LRRC7: variants seen among roughly 807,000 people sequenced by gnomAD.
LRRC7 encodes the protein leucine-rich repeat-containing protein 7.
LRRC7 carries 23 observed loss-of-function variants against 175.7 expected under a neutral mutation model. The ratio of observed to expected loss-of-function variants is 0.13; its 90% CI spans 0.09 to 0.19. The LOEUF is 0.19. LRRC7 is among the 10% of genes least tolerant of loss of function. LRRC7 has a pLI of 1.00. For missense variants in LRRC7, 1,354 were observed against 1,904.7 expected (o/e 0.71, Z 5.38); for synonymous variants, 685 against 680.9 (o/e 1.01, Z -0.09).
Position 70,038,575 on chromosome 1 carries a change from G to T in LRRC7, c.2751G>T (p.Lys917Asn). Reference protein sequence around the residue: ...SPLPERKEHIKESTEIPSPFS... With the variant: ...SPLPERKEHINESTEIPSPFS... ...TGCCTGAAAGGAAAGAACATATAAA[G>T]GAATCTACTGAAATACCTAGTCCTT... is the stretch of plus-strand genomic sequence containing the variant. Residue 917 changes from lysine to asparagine, a missense_variant, in exon 21 of 27, where the codon AAG (lysine) becomes AAT (asparagine). Around this residue, in one of 4 missense-constraint regions of LRRC7, gnomAD observed 1,032 missense variants for 1,227.2 expected, o/e 0.84. Coordinates refer to ENST00000651989, the MANE Select transcript of LRRC7 (RefSeq NM_001370785.2). 1 of 1,614,054 alleles carries T rather than the reference G, an allele frequency of 6.2e-7. No individual in the cohort carries two copies. Among genetic ancestry groups the T allele is most frequent in the Non-Finnish European group, 8.5e-7 (1 of 1,179,984 alleles).
At chr1:69,684,435 A>C (rs1304402242) in intron 2 of LRRC7, among the ~76,000 whole-genome samples, 5 of 152,306 alleles carry the variant, frequency 3.3e-5, no homozygotes, top group Non-Finnish European at 7.4e-5. Context: ...AGGGAGAAAA[A>C]GAGAGTTGGA....
intron 4 of LRRC7, among the ~76,000 whole-genome samples, chr1:69,814,995 G>C (rs1678413377): frequency 6.6e-6 from 1 of 152,052 alleles, no homozygotes; most frequent in African/African-American, 2.4e-5. Flanking sequence ...CTCTCCCTAA[G>C]CTGCGTAAAT....
At chr1:69,829,176 A>C (rs767060825) in intron 5 of LRRC7, among the ~76,000 whole-genome samples, 30 of 151,946 alleles carry the variant, frequency 2.0e-4, no homozygotes, top group Non-Finnish European at 4.0e-4. Flanking sequence ...ATCATCTTAC[A>C]AATAAGGAAA....
At position 69,733,817 on chromosome 1, in the gene LRRC7, T is replaced by A. The variant is rs182797194; in HGVS notation, c.101-26374T>A. On this transcript the variant is annotated intron_variant, in intron 2 of 26. Coordinates refer to ENST00000651989, the MANE Select transcript of LRRC7 (RefSeq NM_001370785.2). ...GCATTTGGCTCTCTGCATCAGATAA[T>A]GCATCTATAATAGCAGAAGTTTTCC... Among the ~76,000 whole-genome samples the A allele has an allele frequency of 5.7e-4, 87 of 152,198 alleles. No individual in the cohort carries two copies. The Middle Eastern group carries it at 0.01, about 18-fold the overall frequency.
intron 7 of LRRC7, among the ~76,000 whole-genome samples, chr1:69,871,148 A>T (rs1243694069): frequency 6.6e-6 from 1 of 152,034 alleles, no homozygotes; most frequent in African/African-American, 2.4e-5. Context: ...CATTATAAAG[A>T]TTTATGTATT....
chr1:69,689,209 C>A (rs974317567), intron 2 of LRRC7, among the ~76,000 whole-genome samples: 10 of 152,186 alleles, frequency 6.6e-5, no homozygotes, highest in Non-Finnish European at 1.2e-4. Context: ...TATGGTCAGC[C>A]CTTCTTCCTT....
At position 70,038,563 on chromosome 1, in the gene LRRC7, A is replaced by G. The variant is rs574962761; in HGVS notation, c.2739A>G (p.Lys913=). The G allele has an allele frequency of 6.8e-6, 11 of 1,614,158 alleles. No individual in the cohort carries two copies. The South Asian group carries it at 1.1e-4, about 16-fold the overall frequency. The stretch of plus-strand genomic sequence containing the variant: ...CTACCAGCCCATTGCCTGAAAGGAA[A>G]GAACATATAAAGGAATCTACTGAAA... The part of the protein sequence containing the change: ...TPTTSPLPER[K]EHIKESTEIP... The change falls in exon 21 of 27, where the codon AAA becomes AAG. Residue 913 remains lysine, a synonymous_variant. Coordinates refer to ENST00000651989, the MANE Select transcript of LRRC7 (RefSeq NM_001370785.2).
In LRRC7 at chr1:69,855,587, A is replaced by G. The variant is rs1014247942; in HGVS notation, c.647+17304A>G. ...GGAATAAGTGCGATGTGGTGCTGAG[A>G]AGAATGTATATTCTGTTGATTTGGG... is the stretch of plus-strand genomic sequence containing the variant. On this transcript the variant is annotated intron_variant, in intron 7 of 26. Transcript: ENST00000651989. 5.9e-5 allele frequency among the ~76,000 whole-genome samples: 9 copies of G among 152,138 alleles called. No individual in the cohort carries two copies. The South Asian group carries it at 1.4e-3, about 24-fold the overall frequency.
At chr1:69,901,516 G>C (rs1036303902) in intron 7 of LRRC7, among the ~76,000 whole-genome samples, 1 of 152,090 alleles carries the variant, frequency 6.6e-6, no homozygotes, top group African/African-American at 2.4e-5. Context: ...CCATTCCTAA[G>C]AATGAAACCC....
intron 4 of LRRC7, among the ~76,000 whole-genome samples, chr1:69,816,234 T>A (rs547350709): frequency 6.6e-6 from 1 of 152,252 alleles, no homozygotes; most frequent in South Asian, 2.1e-4. Context: ...CGCCTCAGCC[T>A]CCTAAAGTGC....
At chr1:69,675,572 A>G (rs1659650145) in intron 1 of LRRC7, among the ~76,000 whole-genome samples, 1 of 152,150 alleles carries the variant, frequency 6.6e-6, no homozygotes. Context: ...ATAATTTACT[A>G]TCTTAAGCTT....
At chr1:69,608,903 C>G (rs575152786) in intron 1 of LRRC7, among the ~76,000 whole-genome samples, 1 of 138,354 alleles carries the variant, frequency 7.2e-6, no homozygotes, top group Non-Finnish European at 1.5e-5. Flanking sequence ...TATATATACA[C>G]ACACACACAC....
intron 1 of LRRC7, among the ~76,000 whole-genome samples, chr1:69,668,298 C>T (rs983054472): frequency 1.3e-5 from 2 of 151,708 alleles, no homozygotes; most frequent in East Asian, 3.9e-4. Context: ...CTCCCCTAGC[C>T]CCCCATCCCC....
intron 2 of LRRC7, among the ~76,000 whole-genome samples, chr1:69,716,398 G>A (rs1039284852): frequency 6.6e-6 from 1 of 151,714 alleles, no homozygotes; most frequent in African/African-American, 2.4e-5. Context: ...TGAATCTCAG[G>A]AAACTCATTT....
intron 7 of LRRC7, among the ~76,000 whole-genome samples, chr1:69,894,478 C>A (rs570874060): frequency 6.6e-6 from 1 of 152,280 alleles, no homozygotes; most frequent in African/African-American, 2.4e-5. Context: ...AGTAAAATAT[C>A]CTAGCCTCCT....
rs12048096 is a variant in LRRC7 at position 70,101,080 on chromosome 1, A to G, written c.4546-6672A>G. 2.6e-4 allele frequency among the ~76,000 whole-genome samples: 39 copies of G among 152,268 alleles called. No individual in the cohort carries two copies. The East Asian group carries it at 6.2e-3, about 24-fold the overall frequency. The stretch of plus-strand genomic sequence containing the variant: ...TAATGTTGCTTCTACAAGCCACAAT[A>G]TAGCTTCAATATTGATATTGCCCAC... On this transcript the variant is annotated intron_variant, in intron 25 of 26. Transcript: ENST00000651989.
chr1:69,688,019 G>C (rs1661394678), intron 2 of LRRC7, among the ~76,000 whole-genome samples: 1 of 152,138 alleles, frequency 6.6e-6, no homozygotes. Flanking sequence ...TACTTTTGCT[G>C]TGACTGTTCT....
intron 7 of LRRC7, among the ~76,000 whole-genome samples, chr1:69,851,614 T>C (rs1418215945): frequency 6.6e-6 from 1 of 152,088 alleles, no homozygotes; most frequent in East Asian, 1.9e-4. Flanking sequence ...TTCTTTGATG[T>C]TCTCTATAAA....
intron 4 of LRRC7, among the ~76,000 whole-genome samples, chr1:69,800,342 A>G (rs773060664): frequency 6.6e-6 from 1 of 151,978 alleles, no homozygotes; most frequent in Non-Finnish European, 1.5e-5. Context: ...CAGTATGGTC[A>G]TTTCAACAAT....
Sources: allele counts gnomAD v4.1 joint callset (sites outside exome capture counted in the v4.1 genomes callset), GRCh38; gene constraint gnomAD v4.1.1; regional missense constraint gnomAD v4.1.1; transcripts MANE v1.5; gene names NCBI Gene and HGNC (gene_info 2026-07-23, HGNC 2026-07-21).